The following TMEM132B variants were observed in gnomAD, a reference collection of about 807,000 sequenced individuals.
The protein encoded by TMEM132B is transmembrane protein 132B.
A neutral mutation model predicts 90.8 loss-of-function variants in TMEM132B; 18 were observed. That is an observed-to-expected ratio of 0.20 (90% confidence interval 0.14 to 0.29). The LOEUF (loss-of-function observed/expected upper bound fraction) is 0.29. Ranked by LOEUF, TMEM132B falls within the 10% of genes least tolerant of loss-of-function variation. TMEM132B has a pLI of 1.00. For missense variants in TMEM132B, 1,096 were observed against 1,326.8 expected, an observed-to-expected ratio of 0.83 and a Z score of 2.70; for synonymous variants, 504 against 523.3, an observed-to-expected ratio of 0.96 and a Z score of 0.50.
rs565361728 is a variant in TMEM132B, at chr12:125,553,813, G to A, written c.1294-30038G>A. Among the ~76,000 whole-genome samples, 4 of 152,244 alleles carry A rather than the reference G, an allele frequency of 2.6e-5. No homozygotes were observed. The South Asian group carries it at 6.2e-4, about 24-fold the overall frequency. ...AGTCCTTTGCCAAAGTCTTGGACAG[G>A]CAACAGCATCCAAATGTAATTTAAT... is the stretch of plus-strand genomic sequence containing the variant. On this transcript the variant is annotated intron_variant, in intron 4 of 8. Coordinates refer to ENST00000682704, the MANE Select transcript of TMEM132B (RefSeq NM_001366854.1).
At chr12:125,411,124 TG>T (rs1423439609) in intron 2 of TMEM132B, among the ~76,000 whole-genome samples, 3 of 17,488 alleles carry the variant, frequency 1.7e-4, no homozygotes, top group South Asian at 2.2e-3. Context: ...TGGAGTGGAG[TG>T]GAGTGAGTGG....
intron 2 of TMEM132B, among the ~76,000 whole-genome samples, chr12:125,356,831 G>A (rs555117104): frequency 2.6e-5 from 4 of 152,268 alleles, no homozygotes; most frequent in South Asian, 4.1e-4. Context: ...CCTCTGCACC[G>A]GCTTCAATAA....
rs1352943087 is a variant in TMEM132B at position 125,655,858 on chromosome 12, A to G, written c.*1148A>G. 1.3e-5 allele frequency: 2 copies of G among 152,152 alleles called. No homozygotes were observed. Among genetic ancestry groups the G allele is most frequent in the African/African-American group, 2.4e-5 (1 of 41,440 alleles). The allele number at this position is 152,152 out of a possible 1,614,324, so 9.4% of individuals were successfully genotyped here. ...CAATATATAGAAATCCATCCATACA[A>G]TGACCAAAATAAATAAATAAATAAA... On this transcript the variant is annotated 3_prime_UTR_variant, in exon 9 of 9. Transcript: ENST00000682704.
At chr12:125,249,293 G>A (rs1874267551) in intron 1 of TMEM132B, among the ~76,000 whole-genome samples, 1 of 152,140 alleles carries the variant, frequency 6.6e-6, no homozygotes, top group African/African-American at 2.4e-5. Flanking sequence ...CTGTGGTGGG[G>A]CCCGAGGATT....
At chr12:125,477,501 T>C (rs1214268991) in intron 3 of TMEM132B, among the ~76,000 whole-genome samples, 2 of 149,730 alleles carry the variant, frequency 1.3e-5, no homozygotes, top group African/African-American at 4.9e-5. Context: ...AAGAAAAAAT[T>C]CCGTAATTTT....
intron 1 of TMEM132B, among the ~76,000 whole-genome samples, chr12:125,324,602 C>T (rs985791969): frequency 1.3e-5 from 2 of 152,198 alleles, no homozygotes; most frequent in South Asian, 2.1e-4. Flanking sequence ...TGCCTCCTGT[C>T]GGATCAGCGG....
intron 4 of TMEM132B, among the ~76,000 whole-genome samples, chr12:125,582,902 T>A (rs1444002264): frequency 1.3e-5 from 2 of 152,172 alleles, no homozygotes; most frequent in Admixed American, 1.3e-4. Flanking sequence ...TGGGCTCAAC[T>A]GTGGTGAGGG....
At position 125,492,709 on chromosome 12, in the gene TMEM132B, C is replaced by T. The variant is rs542668852; in HGVS notation, c.1107-26730C>T. 2.6e-5 allele frequency among the ~76,000 whole-genome samples: 4 copies of T among 152,252 alleles called. No individual in the cohort carries two copies. Among genetic ancestry groups the T allele is most frequent in the African/African-American group, 9.6e-5 (4 of 41,552 alleles). ...CTCTGTCCCTGGGCTCAGGAGGGCGCACCCTTGGGAGGGTCTGTCCTGTGA... is the reference window on the plus strand; with the variant it reads ...CTCTGTCCCTGGGCTCAGGAGGGCGTACCCTTGGGAGGGTCTGTCCTGTGA... On this transcript the variant is annotated intron_variant, in intron 3 of 8. Coordinates refer to ENST00000682704, the MANE Select transcript of TMEM132B (RefSeq NM_001366854.1). This position sits in a 1 kb window ranked among gnomAD's most constrained non-coding sequence, Gnocchi z 5.8.
chr12:125,632,176 G>A (rs562956511), intron 5 of TMEM132B, among the ~76,000 whole-genome samples: 7 of 151,790 alleles, frequency 4.6e-5, no homozygotes, highest in South Asian at 2.1e-4. Flanking sequence ...TGAGATTACC[G>A]TGCGGCTTGT....
chr12:125,408,675 C>T lies in TMEM132B; in HGVS notation c.960-6856C>T, dbSNP rs1311056230. ...TTGGGCTGATGGCAGGGCTGTCGTGCACCTTCTTGTATGTGTGTCTTGGGG... is the reference window on the plus strand; with the variant it reads ...TTGGGCTGATGGCAGGGCTGTCGTGTACCTTCTTGTATGTGTGTCTTGGGG... On this transcript the variant is annotated intron_variant, in intron 2 of 8. Transcript: ENST00000682704. This position sits in a 1 kb window ranked among gnomAD's most constrained non-coding sequence, Gnocchi z 5.9. 6.6e-6 allele frequency among the ~76,000 whole-genome samples: 1 copy of T among 152,170 alleles called. No individual in the cohort carries two copies. Among genetic ancestry groups the T allele is most frequent in the Non-Finnish European group, 1.5e-5 (1 of 68,042 alleles).
In TMEM132B at chr12:125,653,142, C is replaced by T. The variant is rs886863779; in HGVS notation, c.2107-423C>T. 4.6e-5 allele frequency among the ~76,000 whole-genome samples: 7 copies of T among 152,210 alleles called. No homozygotes were observed. The South Asian group carries it at 6.2e-4, about 14-fold the overall frequency. Reference sequence around the variant, plus strand: ...AGCCTCACAATGCACCTTCCCGAGTCCTTCCAGCCAGTGCATGTTTTGCTC... The same window carrying T: ...AGCCTCACAATGCACCTTCCCGAGTTCTTCCAGCCAGTGCATGTTTTGCTC... On this transcript the variant is annotated intron_variant, in intron 8 of 8. Transcript: ENST00000682704.
chr12:125,497,476 T>C (rs2078704787), intron 3 of TMEM132B, among the ~76,000 whole-genome samples: 1 of 152,208 alleles, frequency 6.6e-6, no homozygotes, highest in African/African-American at 2.4e-5. Context: ...TTCCATACTT[T>C]ATTCCAGGAG....
intron 3 of TMEM132B, among the ~76,000 whole-genome samples, chr12:125,446,272 G>A (rs4765252): frequency 0.32 from 48,629 of 152,062 alleles, 7,930 homozygotes; most frequent in East Asian, 0.52. Flanking sequence ...ACTGCAAATA[G>A]TAGGTGCTCA....
In TMEM132B at chr12:125,492,704, G is replaced by C. The variant is rs1480543352; in HGVS notation, c.1107-26735G>C. On this transcript the variant is annotated intron_variant, in intron 3 of 8. Transcript: ENST00000682704. The surrounding 1 kb of genome is among the most constrained non-coding windows in gnomAD (Gnocchi z 5.8). Reference sequence around the variant, plus strand: ...CTGTGCTCTGTCCCTGGGCTCAGGAGGGCGCACCCTTGGGAGGGTCTGTCC... The same window carrying C: ...CTGTGCTCTGTCCCTGGGCTCAGGACGGCGCACCCTTGGGAGGGTCTGTCC... Among the ~76,000 whole-genome samples, 1 of 152,152 alleles carries C rather than the reference G, an allele frequency of 6.6e-6. No individual in the cohort carries two copies. Among genetic ancestry groups the C allele is most frequent in the African/African-American group, 2.4e-5 (1 of 41,444 alleles).
intron 4 of TMEM132B, among the ~76,000 whole-genome samples, chr12:125,532,779 T>C (rs1883680251): frequency 6.6e-6 from 1 of 152,106 alleles, no homozygotes; most frequent in Non-Finnish European, 1.5e-5. Context: ...CCTCCCAAAG[T>C]GCTGGGATTA....
At chr12:125,343,682 G>A (rs780408548) in intron 1 of TMEM132B, among the ~76,000 whole-genome samples, 3 of 152,214 alleles carry the variant, frequency 2.0e-5, no homozygotes, top group Non-Finnish European at 2.9e-5. Context: ...TACAACTGCT[G>A]TGATAATCAA....
intron 2 of TMEM132B, among the ~76,000 whole-genome samples, chr12:125,381,373 G>A (rs988993664): frequency 5.3e-5 from 8 of 152,184 alleles, no homozygotes; most frequent in African/African-American, 1.9e-4. Context: ...TGAGACCAAG[G>A]AGGAAGATGA....
chr12:125,282,273 GCTGC>G (rs1338543284), intron 1 of TMEM132B, among the ~76,000 whole-genome samples: 1 of 152,054 alleles, frequency 6.6e-6, no homozygotes, highest in Admixed American at 6.5e-5. Flanking sequence ...GATGCCGTGT[GCTGC>G]CTGCCTGCCT....
At chr12:125,383,048 G>T (rs757501109) in intron 2 of TMEM132B, among the ~76,000 whole-genome samples, 2 of 152,192 alleles carry the variant, frequency 1.3e-5, no homozygotes, top group Non-Finnish European at 2.9e-5. Flanking sequence ...GAGCTGTTGA[G>T]CAAACCCAAC....
Sources: gnomAD v4.1 joint callset for allele counts (sites outside exome capture counted in the v4.1 genomes callset) on GRCh38, gnomAD v4.1.1 for gene constraint, Gnocchi (gnomAD v3.1) non-coding constraint, MANE v1.5 for transcripts, NCBI Gene and HGNC (gene_info 2026-07-23, HGNC 2026-07-21) for gene names.